Variants in NNMT observed in about 807,000 individuals in gnomAD.
NNMT encodes nicotinamide N-methyltransferase.
Under a neutral mutation model 11.7 loss-of-function variants are expected in NNMT, and 10 were observed. The ratio of observed to expected loss-of-function variants is 0.85; its 90% CI spans 0.53 to 1.45. The LOEUF is 1.45. Ranked by LOEUF, NNMT falls within the 40% of genes most tolerant of loss-of-function variation. The pLI is 0.00. For missense variants in NNMT, 381 were observed against 319.4 expected (o/e 1.19, Z -1.47); for synonymous variants, 143 against 133.8 (o/e 1.07, Z -0.48).
At chr11:114,293,141 G>A (rs1488801981), upstream of NNMT, among the ~76,000 whole-genome samples, 1 of 152,138 alleles carries the variant, frequency 6.6e-6, no homozygotes, top group African/African-American at 2.4e-5. Flanking sequence ...CATTACTAGG[G>A]CAGTCAGCAG....
chr11:114,283,387 A>T (rs1318544233), intron 2 of NNMT, among the ~76,000 whole-genome samples: 1 of 152,260 alleles, frequency 6.6e-6, no homozygotes, highest in Non-Finnish European at 1.5e-5. Context: ...GCATAGTGAA[A>T]ATGATGCAAA....
At chr11:114,273,111 A>C (rs930137637) in intron 2 of NNMT, among the ~76,000 whole-genome samples, 1 of 152,164 alleles carries the variant, frequency 6.6e-6, no homozygotes, top group Admixed American at 6.5e-5. Flanking sequence ...CTGCTGGCAA[A>C]ATTGTTCATA....
Position 114,296,597 on chromosome 11 carries a change from A to C in NNMT, c.41A>C (p.His14Pro). ...GFTSKDTYLS[H>P]FNPRDYLEKY... ...ACCTCCAAGGACACCTATCTAAGCCATTTTAACCCTCGGGATTACCTAGAA... is the reference window on the plus strand; with the variant it reads ...ACCTCCAAGGACACCTATCTAAGCCCTTTTAACCCTCGGGATTACCTAGAA... The change falls in exon 1 of 3, where the codon CAT becomes CCT. Residue 14 changes from histidine to proline, a missense_variant. His to Pro is a moderately conservative substitution (Grantham distance 77). Transcript: ENST00000299964. 1.2e-6 allele frequency: 2 copies of C among 1,614,168 alleles called. No homozygotes were observed. Among genetic ancestry groups the C allele is most frequent in the East Asian group, 2.2e-5 (1 of 44,876 alleles).
intron 2 of NNMT, among the ~76,000 whole-genome samples, chr11:114,280,383 G>A (rs1405555588): frequency 6.6e-6 from 1 of 152,036 alleles, no homozygotes; most frequent in African/African-American, 2.4e-5. Flanking sequence ...GGGCAAGGGT[G>A]CTAAGCCCAG....
At chr11:114,290,426 T>A (rs1024868707) in intron 2 of NNMT, among the ~76,000 whole-genome samples, 1 of 152,208 alleles carries the variant, frequency 6.6e-6, no homozygotes, top group African/African-American at 2.4e-5. Flanking sequence ...TACACTTTGA[T>A]TATATTATTT....
intron 2 of NNMT, among the ~76,000 whole-genome samples, chr11:114,286,818 G>A (rs1354697853): frequency 6.6e-6 from 1 of 152,172 alleles, no homozygotes; most frequent in African/African-American, 2.4e-5. Flanking sequence ...AGGGTACGCA[G>A]CAACTCAACT....
chr11:114,313,452 G>C lies in NNMT; in HGVS notation c.*975G>C, dbSNP rs766928232. ...ACTGAGATCGCACCACTGTGTTCCA[G>C]ACAGAGTGCGATGCTGTCTCGAAAA... On this transcript the variant is annotated 3_prime_UTR_variant, in exon 3 of 3. Transcript: ENST00000299964. 3.9e-5 allele frequency among the ~76,000 whole-genome samples: 6 copies of C among 152,112 alleles called. No homozygotes were observed. The highest frequency in any genetic ancestry group is 7.4e-5 in the Non-Finnish European group (5 of 68,026).
intron 2 of NNMT, among the ~76,000 whole-genome samples, chr11:114,286,715 T>C (rs7104961): frequency 0.012 from 1,830 of 152,294 alleles, 32 homozygotes; most frequent in African/African-American, 0.039. Flanking sequence ...TGTTTCTAGT[T>C]GGGGGCTGTT....
At chr11:114,276,004 C>T (rs776078817) in intron 2 of NNMT, among the ~76,000 whole-genome samples, 2 of 152,132 alleles carry the variant, frequency 1.3e-5, no homozygotes, top group Non-Finnish European at 2.9e-5. Context: ...TTAAGGAAAG[C>T]GACTCAAATG....
At chr11:114,265,714 C>T (rs1469101363) in intron 2 of NNMT, among the ~76,000 whole-genome samples, 3 of 152,116 alleles carry the variant, frequency 2.0e-5, no homozygotes, top group Admixed American at 1.3e-4. Context: ...GGTTCATGGA[C>T]TTTTGGCAAT....
intron 2 of NNMT, among the ~76,000 whole-genome samples, chr11:114,310,200 A>T (rs571516695): frequency 1.3e-5 from 2 of 152,314 alleles, no homozygotes; most frequent in African/African-American, 4.8e-5. Flanking sequence ...TTCCAAAGTA[A>T]CTGGACTATT....
intron 2 of NNMT, among the ~76,000 whole-genome samples, chr11:114,282,170 G>A (rs1945267365): frequency 6.6e-6 from 1 of 152,162 alleles, no homozygotes; most frequent in African/African-American, 2.4e-5. Flanking sequence ...GCTGCAATGA[G>A]TTGTGATTGC....
chr11:114,296,050 C>T (rs1945373352), upstream of NNMT: 1 of 153,298 alleles, frequency 6.5e-6, no homozygotes. Flanking sequence ...CTCATCTTTC[C>T]CTTCTTTTTT....
In NNMT at chr11:114,313,376, G is replaced by C. The variant is rs1945573384; in HGVS notation, c.*899G>C. On this transcript the variant is annotated 3_prime_UTR_variant, in exon 3 of 3. Coordinates refer to ENST00000299964, the MANE Select transcript of NNMT (RefSeq NM_006169.3). ...TATGCCTGTGGTCCCAGCTACTCAGGAGGCTGAAGTGGGAGGATGGCTTGA... is the reference window on the plus strand; with the variant it reads ...TATGCCTGTGGTCCCAGCTACTCAGCAGGCTGAAGTGGGAGGATGGCTTGA... 6.6e-6 allele frequency: 1 copy of C among 152,242 alleles called. No homozygotes were observed. The highest frequency in any genetic ancestry group is 2.4e-5 in the African/African-American group (1 of 41,436). 9.4% of individuals were successfully genotyped at this position (152,242 alleles called of 1,614,324 possible).
intron 2 of NNMT, among the ~76,000 whole-genome samples, chr11:114,268,059 G>A (rs1945135510): frequency 6.6e-6 from 1 of 152,230 alleles, no homozygotes; most frequent in Non-Finnish European, 1.5e-5. Context: ...ATGAGATGAT[G>A]AGGGCCTGAA....
At chr11:114,263,144 G>T (rs984418439) in intron 2 of NNMT, among the ~76,000 whole-genome samples, 2 of 152,182 alleles carry the variant, frequency 1.3e-5, no homozygotes, top group Non-Finnish European at 2.9e-5. Context: ...GACACCAGCT[G>T]AATGCTTTTC....
At position 114,312,291 on chromosome 11, in the gene NNMT, C is replaced by T. The variant is rs1466368081; in HGVS notation, c.609C>T (p.Tyr203=). 1 of 1,614,124 alleles carries T rather than the reference C, an allele frequency of 6.2e-7. No individual in the cohort carries two copies. Among genetic ancestry groups the T allele is most frequent in the African/African-American group, 1.3e-5 (1 of 74,948 alleles). The change falls in exon 3 of 3, where the codon TAC becomes TAT. Residue 203 remains tyrosine, a synonymous_variant. Transcript: ENST00000299964. ...TCATGGATGCGCTCAAGAGCAGCTA[C>T]TACATGATTGGTGAGCAGAAGTTCT... ...LVIMDALKSS[Y]YMIGEQKFSS...
intron 2 of NNMT, among the ~76,000 whole-genome samples, chr11:114,287,826 G>A (rs1945309637): frequency 6.6e-6 from 1 of 152,134 alleles, no homozygotes; most frequent in African/African-American, 2.4e-5. Context: ...TCAATTTGGA[G>A]ACAAATGACA....
chr11:114,292,121 AT>A (rs550705862), upstream of NNMT, among the ~76,000 whole-genome samples: 232 of 150,998 alleles, frequency 1.5e-3, 1 homozygote, highest in South Asian at 4.4e-3. Context: ...ATTTTGGATA[AT>A]TTTTTTTTAG....
Sources: allele counts gnomAD v4.1 joint callset (sites outside exome capture counted in the v4.1 genomes callset), GRCh38; gene constraint gnomAD v4.1.1; transcripts MANE v1.5; gene names NCBI Gene and HGNC (gene_info 2026-07-23, HGNC 2026-07-21).